Variants in PHTF2 observed in about 807,000 individuals in gnomAD.
PHTF2 encodes protein PHTF2.
Under a neutral mutation model 101.2 loss-of-function variants are expected in PHTF2, and 60 were observed. The observed-to-expected ratio is 0.59, with a 90% CI of 0.48 to 0.73. The LOEUF (loss-of-function observed/expected upper bound fraction) is 0.73. Among genes scored for constraint, PHTF2 ranks in the 30% least tolerant of loss-of-function variants. PHTF2 has a pLI of 0.00. For missense variants in PHTF2, 747 were observed against 908.7 expected, an observed-to-expected ratio of 0.82 and a Z score of 2.29; for synonymous variants, 311 against 307.3, an observed-to-expected ratio of 1.01 and a Z score of -0.13.
At chr7:77,954,656 C>G (rs1205007320) in intron 19 of PHTF2, among the ~76,000 whole-genome samples, 1 of 124,524 alleles carries the variant, frequency 8.0e-6, no homozygotes, top group Non-Finnish European at 1.6e-5. Context: ...AGCCACTTCT[C>G]AAGAGAAAGC....
At chr7:77,937,995 A>G (rs1805297915) in intron 13 of PHTF2, 157 bp downstream of exon 12, 1 of 306,416 alleles carries the variant, frequency 3.3e-6, no homozygotes. Flanking sequence ...TGTAATTTAA[A>G]CAGTGATTTG....
intron 15 of PHTF2, among the ~76,000 whole-genome samples, chr7:77,941,425 G>A (rs1006959437): frequency 2.6e-5 from 4 of 152,108 alleles, no homozygotes; most frequent in Non-Finnish European, 5.9e-5. Context: ...GCTTGAATTC[G>A]TCCAAAATTT....
chr7:77,886,242 C>T (rs1799836623), intron 3 of PHTF2, among the ~76,000 whole-genome samples: 2 of 152,206 alleles, frequency 1.3e-5, no homozygotes, highest in Non-Finnish European at 2.9e-5. Context: ...CGAAGAGTAG[C>T]TTTTCAAATT....
intron 2 of PHTF2, among the ~76,000 whole-genome samples, chr7:77,854,381 C>A (rs1047146616): frequency 6.6e-6 from 1 of 152,170 alleles, no homozygotes; most frequent in African/African-American, 2.4e-5. Flanking sequence ...ACTACTAGGA[C>A]TGTGCAGGTT....
At chr7:77,949,919 CTATT>C (rs2150994947) in intron 17 of PHTF2, 86 bp downstream of exon 16, 1 of 741,432 alleles carries the variant, frequency 1.3e-6, no homozygotes, top group East Asian at 2.9e-5. Flanking sequence ...AGAATGTGTT[CTATT>C]TGATTAAGGT....
chr7:77,927,000 A>G (rs1804066110), intron 11 of PHTF2, among the ~76,000 whole-genome samples: 1 of 151,458 alleles, frequency 6.6e-6, no homozygotes, highest in Admixed American at 6.6e-5. Context: ...TCTACTGAAA[A>G]TATAAAAATT....
At chr7:77,803,984 A>C (rs1384945361) in intron 1 of PHTF2, among the ~76,000 whole-genome samples, 1 of 152,184 alleles carries the variant, frequency 6.6e-6, no homozygotes, top group African/African-American at 2.4e-5. Flanking sequence ...AAAAAAATAA[A>C]TGAAGTAGGA....
chr7:77,938,944 C>T (rs527313578), intron 13 of PHTF2, among the ~76,000 whole-genome samples: 2 of 152,248 alleles, frequency 1.3e-5, no homozygotes, highest in South Asian at 4.1e-4. Context: ...ATTGATAATA[C>T]TCCCTATAAC....
intron 3 of PHTF2, among the ~76,000 whole-genome samples, chr7:77,871,042 G>A (rs1478938451): frequency 6.6e-6 from 1 of 152,190 alleles, no homozygotes; most frequent in Non-Finnish European, 1.5e-5. Flanking sequence ...TGATCGTGTG[G>A]TCGTAGCTGG....
chr7:77,948,872 A>T (rs1446941544), intron 16 of PHTF2, among the ~76,000 whole-genome samples: 4 of 152,240 alleles, frequency 2.6e-5, no homozygotes, highest in African/African-American at 7.2e-5. Flanking sequence ...CTAACTTACA[A>T]TATCTAATAT....
chr7:77,826,964 G>A (rs909694925), intron 1 of PHTF2, among the ~76,000 whole-genome samples: 8 of 152,122 alleles, frequency 5.3e-5, no homozygotes, highest in South Asian at 2.1e-4. Context: ...TAAAAGAATC[G>A]GGGGTGATCA....
chr7:77,954,847 T>C lies in PHTF2; in HGVS notation c.2338-11T>C, dbSNP rs1255159413. 2.0e-6 allele frequency: 3 copies of C among 1,486,230 alleles called. No homozygotes were observed. Among genetic ancestry groups the C allele is most frequent in the Non-Finnish European group, 2.8e-6 (3 of 1,078,886 alleles). 92.1% of individuals were successfully genotyped at this position (1,486,230 alleles called of 1,614,324 possible). On this transcript the variant is annotated splice_polypyrimidine_tract_variant and intron_variant, in intron 19 of 19. Coordinates refer to ENST00000416283, the Ensembl canonical transcript of PHTF2. ...ACTGGCTTGTCACCACTTCTATTTT[T>C]TTTTTTCTAGCTATGGAAGATTAAG... is the stretch of plus-strand genomic sequence containing the variant.
chr7:77,826,409 A>G (rs1219003001), intron 1 of PHTF2, among the ~76,000 whole-genome samples: 2 of 152,184 alleles, frequency 1.3e-5, no homozygotes, highest in Non-Finnish European at 2.9e-5. Context: ...AACCTTGGGT[A>G]CAAAAAGTAT....
exon 1 of PHTF2, chr7:77,798,830 G>GC (rs920650845): frequency 1.3e-5 from 2 of 152,408 alleles, no homozygotes; most frequent in African/African-American, 4.8e-5. Context: ...TGCGGGAGAG[G>GC]GGGTGGGGCA....
rs115231477 is a variant in PHTF2, at chr7:77,819,817, C to A, written c.-35-20404C>A. ...AATTTGAGAAAAATTGATATTAATT[C>A]TTCCCTAAAGGTTCAGTAAAATTCA... On this transcript the variant is annotated intron_variant, in intron 1 of 19. Coordinates refer to ENST00000416283, the Ensembl canonical transcript of PHTF2. 7.2e-3 allele frequency among the ~76,000 whole-genome samples: 1,096 copies of A among 152,248 alleles called. 17 individuals are homozygous for A. The highest frequency in any genetic ancestry group is 0.025 in the African/African-American group (1,053 of 41,548).
At chr7:77,875,162 A>C (rs1798824987) in intron 3 of PHTF2, among the ~76,000 whole-genome samples, 1 of 151,806 alleles carries the variant, frequency 6.6e-6, no homozygotes, top group African/African-American at 2.4e-5. Context: ...GACTCAGTAG[A>C]TTATCTTTGG....
At chr7:77,906,209 A>AC (rs1801844040) in intron 7 of PHTF2, 1 of 152,230 alleles carries the variant, frequency 6.6e-6, no homozygotes, top group African/African-American at 2.4e-5. Flanking sequence ...GCTGGTCTCA[A>AC]ACTCCTGACC....
intron 12 of PHTF2, among the ~76,000 whole-genome samples, chr7:77,935,717 G>A (rs866909151): frequency 1.1e-4 from 16 of 152,164 alleles, no homozygotes; most frequent in African/African-American, 3.6e-4. Flanking sequence ...GGCTTTCTTG[G>A]TATTGATATT....
intron 16 of PHTF2, among the ~76,000 whole-genome samples, chr7:77,948,951 G>A (rs1340833461): frequency 6.6e-6 from 1 of 152,142 alleles, no homozygotes; most frequent in Non-Finnish European, 1.5e-5. Context: ...AGAAAGTTTT[G>A]CATGTGCGTA....
Sources: allele counts gnomAD v4.1 joint callset (sites outside exome capture counted in the v4.1 genomes callset), GRCh38; gene constraint gnomAD v4.1.1; transcripts MANE v1.5; gene names NCBI Gene and HGNC (gene_info 2026-07-23, HGNC 2026-07-21).